The following ADAMTS3 variants were observed in gnomAD, a reference collection of about 807,000 sequenced individuals.
ADAMTS3 encodes the protein ADAM metallopeptidase with thrombospondin type 1 motif 3, also known as A disintegrin and metalloproteinase with thrombospondin motifs 3.
Under a neutral mutation model 129.0 loss-of-function variants are expected in ADAMTS3, and 73 were observed. The observed-to-expected ratio is 0.57, with a 90% confidence interval of 0.47 to 0.69. The LOEUF is 0.69. Ranked by LOEUF, ADAMTS3 falls within the 30% of genes least tolerant of loss-of-function variation. The pLI is 0.00. For synonymous variants in ADAMTS3, 477 were observed against 510.8 expected (o/e 0.93, Z 0.89); for missense variants, 1,457 against 1,514.5 (o/e 0.96, Z 0.63).
chr4:72,309,444 T>C lies in ADAMTS3; in HGVS notation c.2132A>G (p.His711Arg), dbSNP rs1173144487. The change falls in exon 15 of 22, where the codon CAC becomes CGC. Residue 711 changes from histidine (H) to arginine (R), a missense_variant. His to Arg is a conservative substitution (Grantham distance 29). Transcript: ENST00000286657. Reference sequence around the variant, plus strand: ...AAATGTCCCCTTCACGGTTCGGCAGTGGGAATTATCTCCTCCACAGACACC... The same window carrying C: ...AAATGTCCCCTTCACGGTTCGGCAGCGGGAATTATCTCCTCCACAGACACC... ...KCGVCGGDNSHCRTVKGTFTR... is the reference protein window; with the variant it reads ...KCGVCGGDNSRCRTVKGTFTR... 23 of 1,612,144 alleles carry C rather than the reference T, an allele frequency of 1.4e-5. No individual in the cohort carries two copies. The highest frequency in any genetic ancestry group is 5.3e-5 in the African/African-American group (4 of 74,812).
intron 3 of ADAMTS3, among the ~76,000 whole-genome samples, chr4:72,498,377 A>T (rs1719922754): frequency 6.6e-6 from 1 of 152,028 alleles, no homozygotes. Context: ...TCAGAACTCA[A>T]ACCATCTTAT....
Position 72,458,450 on chromosome 4 carries a change from CAG to C in ADAMTS3, c.505-43481_505-43480del, listed in dbSNP as rs1718681595. Among the ~76,000 whole-genome samples the C allele has an allele frequency of 2.6e-5, 4 of 151,480 alleles. No individual in the cohort carries two copies. The South Asian group carries it at 8.3e-4, about 31-fold the overall frequency. On this transcript the variant is annotated intron_variant, in intron 3 of 21. Coordinates refer to ENST00000286657, the MANE Select transcript of ADAMTS3 (RefSeq NM_014243.3). ...TAGGAAATTGACAGAAGAATAGGAA[CAG>C]AAATTATGGTAAAAATAGGCATCTA...
chr4:72,305,901 T>A, intron 16 of ADAMTS3, 86 bp downstream of exon 16: 1 of 1,124,616 alleles, frequency 8.9e-7, no homozygotes, highest in South Asian at 1.3e-5. Flanking sequence ...TATGTGTACA[T>A]ATATACATAT....
chr4:72,347,837 A>G (rs186491634), intron 4 of ADAMTS3, among the ~76,000 whole-genome samples: 16 of 152,112 alleles, frequency 1.1e-4, no homozygotes, highest in South Asian at 2.1e-4. Context: ...GGTTTTCTAA[A>G]TAAGGTCAAC....
chr4:72,515,606 A>G lies in ADAMTS3; in HGVS notation c.504+32872T>C, dbSNP rs879889439. 4.0e-3 allele frequency among the ~76,000 whole-genome samples: 597 copies of G among 150,484 alleles called. 4 individuals are homozygous for G. Among genetic ancestry groups the G allele is most frequent in the Non-Finnish European group, 7.1e-3 (479 of 67,392 alleles). On this transcript the variant is annotated intron_variant, in intron 3 of 21. Coordinates refer to ENST00000286657, the MANE Select transcript of ADAMTS3 (RefSeq NM_014243.3). ...GGCCAGTGATGATGAGCATTTTTTC[A>G]TGTGTCTTTTGGCTGCATAAATGTC...
chr4:72,521,626 A>G (rs1037488184), intron 3 of ADAMTS3, among the ~76,000 whole-genome samples: 4 of 152,190 alleles, frequency 2.6e-5, no homozygotes, highest in Admixed American at 1.3e-4. Context: ...TAAATCCTAC[A>G]AGAAACATCC....
At chr4:72,561,204 C>A (rs1255579213) in intron 2 of ADAMTS3, among the ~76,000 whole-genome samples, 2 of 152,142 alleles carry the variant, frequency 1.3e-5, no homozygotes, top group Admixed American at 6.5e-5. Context: ...CAAAAATTAG[C>A]CGGCGTGGTA....
chr4:72,559,412 C>T (rs948924587), intron 2 of ADAMTS3, among the ~76,000 whole-genome samples: 5 of 151,780 alleles, frequency 3.3e-5, no homozygotes, highest in Non-Finnish European at 2.9e-5. Context: ...CTCTCTACTG[C>T]TATATTACAA....
intron 3 of ADAMTS3, among the ~76,000 whole-genome samples, chr4:72,483,015 T>G (rs575157495): frequency 6.6e-6 from 1 of 152,186 alleles, no homozygotes; most frequent in East Asian, 1.9e-4. Flanking sequence ...AACCTGAAAG[T>G]GTGCTAATGA....
intron 3 of ADAMTS3, among the ~76,000 whole-genome samples, chr4:72,522,813 A>C (rs1720708506): frequency 6.6e-6 from 1 of 152,204 alleles, no homozygotes; most frequent in African/African-American, 2.4e-5. Flanking sequence ...TTATAACCTT[A>C]TAAAAGTTAA....
At chr4:72,315,994 G>A in intron 10 of ADAMTS3, 23 bp from the exon 11 acceptor site, 3 of 1,463,758 alleles carry the variant, frequency 2.0e-6, no homozygotes, top group South Asian at 1.2e-5. Context: ...TAATCAAATT[G>A]TCAGTGAACT....
chr4:72,527,820 G>A (rs139991749), intron 3 of ADAMTS3, among the ~76,000 whole-genome samples: 2 of 152,154 alleles, frequency 1.3e-5, no homozygotes, highest in Non-Finnish European at 2.9e-5. Flanking sequence ...GAAGGACAGG[G>A]ATTCTACCCA....
chr4:72,378,020 A>G (rs892230354), intron 4 of ADAMTS3, among the ~76,000 whole-genome samples: 14 of 152,188 alleles, frequency 9.2e-5, no homozygotes, highest in Admixed American at 8.5e-4. Context: ...TAGAATTATA[A>G]AAATCCTTCC....
intron 3 of ADAMTS3, among the ~76,000 whole-genome samples, chr4:72,525,144 C>G (rs1360386122): frequency 6.6e-6 from 1 of 152,198 alleles, no homozygotes; most frequent in Non-Finnish European, 1.5e-5. Flanking sequence ...GTTAGGTGCA[C>G]TCACAGCTCC....
chr4:72,362,870 A>G (rs1050252589), intron 4 of ADAMTS3, among the ~76,000 whole-genome samples: 2 of 152,138 alleles, frequency 1.3e-5, no homozygotes, highest in Non-Finnish European at 2.9e-5. Flanking sequence ...CCCAAGCCCA[A>G]ATGGTTATAG....
chr4:72,336,853 C>A (rs7661199), intron 5 of ADAMTS3, among the ~76,000 whole-genome samples: 3 of 152,072 alleles, frequency 2.0e-5, no homozygotes, highest in African/African-American at 7.2e-5. Context: ...CCTCCACCCC[C>A]GCCCCACCCA....
At position 72,482,059 on chromosome 4, in the gene ADAMTS3, T is replaced by C. The variant is rs1719451329; in HGVS notation, c.504+66419A>G. ...CATTCATACGTTGCTGGTGGGAATG[T>C]AAAATGTTACAACCACTCTGCATTA... On this transcript the variant is annotated intron_variant, in intron 3 of 21. Transcript: ENST00000286657. Among the ~76,000 whole-genome samples the C allele has an allele frequency of 3.3e-5, 5 of 152,112 alleles. No individual in the cohort carries two copies. The South Asian group carries it at 1.0e-3, about 31-fold the overall frequency.
At chr4:72,328,979 G>C (rs941863876) in intron 5 of ADAMTS3, among the ~76,000 whole-genome samples, 5 of 152,124 alleles carry the variant, frequency 3.3e-5, no homozygotes, top group African/African-American at 1.2e-4. Context: ...AAACAGAGGT[G>C]TCTCCCAATC....
chr4:72,384,028 T>G (rs541645908), intron 4 of ADAMTS3, among the ~76,000 whole-genome samples: 47 of 151,748 alleles, frequency 3.1e-4, no homozygotes, highest in Non-Finnish European at 5.2e-4. Flanking sequence ...TATATATATT[T>G]TAAAAATCAA....
Sources: gnomAD v4.1 joint callset for allele counts (sites outside exome capture counted in the v4.1 genomes callset) on GRCh38, gnomAD v4.1.1 for gene constraint, MANE v1.5 for transcripts, NCBI Gene and HGNC (gene_info 2026-07-23, HGNC 2026-07-21) for gene names.